The following MACROD2 variants were observed in gnomAD, a reference collection of about 807,000 sequenced individuals.
The protein encoded by MACROD2 is ADP-ribose glycohydrolase MACROD2.
Under a neutral mutation model 70.4 loss-of-function variants are expected in MACROD2, and 36 were observed. The observed-to-expected ratio is 0.51, with a 90% CI of 0.39 to 0.68. The LOEUF (loss-of-function observed/expected upper bound fraction) is 0.68. MACROD2 is among the 30% of genes least tolerant of loss of function. The probability of loss-of-function intolerance (pLI) is 0.00; values close to 1 mark genes in which losing one functional copy is unlikely to be tolerated. For missense variants in MACROD2, 496 were observed against 538.4 expected (o/e 0.92, Z 0.78); for synonymous variants, 172 against 178.8 (o/e 0.96, Z 0.30).
At chr20:15,093,929 GC>G (rs1194261997) in intron 5 of MACROD2, among the ~76,000 whole-genome samples, 7 of 152,132 alleles carry the variant, frequency 4.6e-5, no homozygotes, top group Admixed American at 4.6e-4. Flanking sequence ...TCAGTGCCTT[GC>G]CCTCTGTCAA....
At chr20:15,699,457 G>A (rs1410754427) in intron 8 of MACROD2, among the ~76,000 whole-genome samples, 1 of 152,210 alleles carries the variant, frequency 6.6e-6, no homozygotes, top group Non-Finnish European at 1.5e-5. Flanking sequence ...ACGGATACCA[G>A]CACCTGTTCT....
At chr20:15,023,685 C>A (rs141781007) in intron 5 of MACROD2, among the ~76,000 whole-genome samples, 1 of 152,108 alleles carries the variant, frequency 6.6e-6, no homozygotes, top group African/African-American at 2.4e-5. Context: ...CATCAGATCT[C>A]GTGAAACTTA....
chr20:15,590,152 T>A (rs570158467), intron 8 of MACROD2, among the ~76,000 whole-genome samples: 1 of 152,194 alleles, frequency 6.6e-6, no homozygotes, highest in Admixed American at 6.5e-5. Context: ...GTGTGGAAAT[T>A]TGTGTTATTA....
intron 5 of MACROD2, among the ~76,000 whole-genome samples, chr20:14,947,354 T>C (rs2074441047): frequency 6.6e-6 from 1 of 152,224 alleles, no homozygotes; most frequent in African/African-American, 2.4e-5. Flanking sequence ...ACTCCGGCAT[T>C]GGCCACAGGC....
chr20:14,886,544 C>T (rs181925206), intron 5 of MACROD2, among the ~76,000 whole-genome samples: 7 of 152,244 alleles, frequency 4.6e-5, no homozygotes, highest in African/African-American at 1.4e-4. Context: ...CCCCTTCTCC[C>T]ATCATTTAGC....
intron 15 of MACROD2, among the ~76,000 whole-genome samples, chr20:16,010,216 C>A (rs574990967): frequency 6.6e-6 from 1 of 152,108 alleles, no homozygotes; most frequent in African/African-American, 2.4e-5. Flanking sequence ...GGGCTAGTGG[C>A]GCATGTCCTG....
intron 8 of MACROD2, among the ~76,000 whole-genome samples, chr20:15,821,205 G>T (rs999450875): frequency 6.6e-6 from 1 of 151,918 alleles, no homozygotes; most frequent in African/African-American, 2.4e-5. Flanking sequence ...TTCATATTAA[G>T]TTGTACAATA....
At chr20:14,972,307 T>C (rs1203345569) in intron 5 of MACROD2, among the ~76,000 whole-genome samples, 1 of 146,224 alleles carries the variant, frequency 6.8e-6, no homozygotes, top group Admixed American at 8.2e-5. Flanking sequence ...CATTAAAACA[T>C]GTGGGCTGGG....
intron 6 of MACROD2, among the ~76,000 whole-genome samples, chr20:15,394,128 T>G (rs73269007): frequency 0.011 from 1,657 of 152,336 alleles, 35 homozygotes; most frequent in African/African-American, 0.039. Context: ...AAATGCAAGA[T>G]GGACAATGTC....
rs1459508189 is a variant in MACROD2, at chr20:14,014,959, C to G, written c.163+12555C>G. ...GGGACTACAGGTGCACACAACCATG[C>G]CCAGCAAATTTTTTTTTTTTTTTTT... On this transcript the variant is annotated intron_variant, in intron 2 of 17. Coordinates refer to ENST00000684519, the MANE Select transcript of MACROD2 (RefSeq NM_001351661.2). 3.1e-5 allele frequency among the ~76,000 whole-genome samples: 4 copies of G among 128,280 alleles called. No individual in the cohort carries two copies. The Admixed American group carries it at 3.7e-4, about 12-fold the overall frequency. 84.2% of individuals were successfully genotyped at this position (128,280 alleles called of 152,430 possible). A position where few individuals can be genotyped will look rare whatever the true frequency, so the allele number is the denominator to read the frequency against.
intron 4 of MACROD2, chr20:14,626,872 C>T (rs1406868462): frequency 6.6e-6 from 1 of 152,180 alleles, no homozygotes; most frequent in Non-Finnish European, 1.5e-5. Context: ...GGGACTCAGT[C>T]CCCTTCTAGA....
chr20:14,524,638 G>A (rs1053668169), intron 4 of MACROD2, among the ~76,000 whole-genome samples: 29 of 152,170 alleles, frequency 1.9e-4, no homozygotes, highest in African/African-American at 6.8e-4. Context: ...GGATGCTCAT[G>A]CTCTTGTCCC....
intron 8 of MACROD2, among the ~76,000 whole-genome samples, chr20:15,519,747 A>G (rs2047625235): frequency 6.6e-6 from 1 of 152,316 alleles, no homozygotes; most frequent in Middle Eastern, 3.4e-3. Context: ...TGGAAGAATG[A>G]GGTAAGAATC....
chr20:15,216,368 G>A (rs549449824), intron 5 of MACROD2, among the ~76,000 whole-genome samples: 39 of 151,758 alleles, frequency 2.6e-4, no homozygotes, highest in African/African-American at 9.4e-4. Flanking sequence ...TTTAAAAACT[G>A]AGAAAAGAAT....
chr20:14,920,269 G>A (rs761849243), intron 5 of MACROD2, among the ~76,000 whole-genome samples: 7 of 152,050 alleles, frequency 4.6e-5, no homozygotes, highest in Admixed American at 2.6e-4. Flanking sequence ...TACATGCCCT[G>A]TCTTTAACTT....
intron 6 of MACROD2, among the ~76,000 whole-genome samples, chr20:15,354,941 G>A (rs372678998): frequency 6.6e-6 from 1 of 152,072 alleles, no homozygotes; most frequent in Non-Finnish European, 1.5e-5. Context: ...TGTACTTTAG[G>A]TGCATGATTT....
chr20:14,848,864 G>A (rs373608198), intron 5 of MACROD2, among the ~76,000 whole-genome samples: 156 of 152,182 alleles, frequency 1.0e-3, no homozygotes, highest in South Asian at 2.5e-3. Context: ...AGGTTGTGCC[G>A]TCTAATTAGG....
intron 3 of MACROD2, among the ~76,000 whole-genome samples, chr20:14,444,561 T>G (rs543665109): frequency 6.6e-6 from 1 of 152,140 alleles, no homozygotes; most frequent in East Asian, 1.9e-4. Flanking sequence ...GGTGATCGCA[T>G]TCAGTCTCAA....
At chr20:15,387,378 T>C (rs199781775) in intron 6 of MACROD2, among the ~76,000 whole-genome samples, 5 of 61,200 alleles carry the variant, frequency 8.2e-5, no homozygotes, top group African/African-American at 9.9e-5. Flanking sequence ...TTCTTCCCTC[T>C]CTTCCTACCT....
Sources: allele counts gnomAD v4.1 joint callset (sites outside exome capture counted in the v4.1 genomes callset), GRCh38; gene constraint gnomAD v4.1.1; transcripts MANE v1.5; gene names NCBI Gene and HGNC (gene_info 2026-07-23, HGNC 2026-07-21).